The following INTS10 variants were observed in gnomAD, a reference collection of about 807,000 sequenced individuals.
INTS10 encodes chromosome 8 open reading frame 35.
In INTS10, 44 loss-of-function variants were observed where a neutral mutation model predicts 94.4. The ratio of observed to expected loss-of-function variants is 0.47; its 90% confidence interval spans 0.37 to 0.60. The LOEUF is 0.60. Among genes scored for constraint, INTS10 ranks in the 20% least tolerant of loss-of-function variants. The pLI, the probability that INTS10 is intolerant of heterozygous loss-of-function variation, is 0.00. For missense variants in INTS10, 797 were observed against 868.7 expected (o/e 0.92, Z 1.04); for synonymous variants, 341 against 320.7 (o/e 1.06, Z -0.68).
intron 13 of INTS10, among the ~76,000 whole-genome samples, chr8:19,839,071 C>CAA (rs796941891): frequency 6.9e-6 from 1 of 144,796 alleles, no homozygotes; most frequent in African/African-American, 2.5e-5. Context: ...GACTCCGTTT[C>CAA]AAAAAAAAAA....
intron 11 of INTS10, among the ~76,000 whole-genome samples, chr8:19,832,456 G>A (rs772577047): frequency 6.6e-6 from 1 of 152,154 alleles, no homozygotes; most frequent in Non-Finnish European, 1.5e-5. Flanking sequence ...TATAGTTCCA[G>A]CTGCTCAGGA....
chr8:19,817,739 C>T (rs2066035683), intron 1 of INTS10, 73 bp downstream of exon 1: 4 of 1,526,302 alleles, frequency 2.6e-6, no homozygotes, highest in Non-Finnish European at 1.8e-6. Flanking sequence ...TGCCCTGGCC[C>T]AGAGCTGCGC....
At position 19,820,443 on chromosome 8, in the gene INTS10, C is replaced by T; in HGVS notation, c.366C>T (p.Cys122=). 1 of 1,613,666 alleles carries T rather than the reference C, an allele frequency of 6.2e-7. No individual in the cohort carries two copies. Among genetic ancestry groups the T allele is most frequent in the East Asian group, 2.2e-5 (1 of 44,884 alleles). Residue 122 remains cysteine, a synonymous_variant, in exon 4 of 17, where the codon TGC becomes TGT. Transcript: ENST00000397977. ...TGTTACTAAAGGTCACGGAACAATG[C>T]TTCAACACGTTAGAACGATCAGAAA... ...CEMLLKVTEQ[C]FNTLERSEML...
At chr8:19,824,080 T>C (rs760878151) in intron 7 of INTS10, 36 bp downstream of exon 7, 2 of 1,508,468 alleles carry the variant, frequency 1.3e-6, no homozygotes, top group South Asian at 2.5e-5. Flanking sequence ...TGCCTATTGA[T>C]TCTTTTGGAT....
chr8:19,822,420 T>A lies in INTS10; in HGVS notation c.442-19T>A, dbSNP rs754385976. ...TTATGCTGTAACACATTTAAATGAGTAATTTTGTTTTGAAATAGGTTGGCC... is the reference window on the plus strand; with the variant it reads ...TTATGCTGTAACACATTTAAATGAGAAATTTTGTTTTGAAATAGGTTGGCC... On this transcript the variant is annotated intron_variant, in intron 4 of 16. Transcript: ENST00000397977. 2.6e-5 allele frequency: 39 copies of A among 1,494,144 alleles called. No individual in the cohort carries two copies. The highest frequency in any genetic ancestry group is 3.4e-5 in the Admixed American group (2 of 58,920). 92.6% of individuals were successfully genotyped at this position (1,494,144 alleles called of 1,614,324 possible).
At chr8:19,818,250 C>T in intron 1 of INTS10, 25 bp from the exon 2 acceptor site, 1 of 1,613,260 alleles carries the variant, frequency 6.2e-7, no homozygotes, top group Non-Finnish European at 8.5e-7. Flanking sequence ...GGGTGAGTGA[C>T]CAGGGTGCCT....
chr8:19,827,059 G>T (rs1022971239), intron 9 of INTS10, among the ~76,000 whole-genome samples: 1 of 152,184 alleles, frequency 6.6e-6, no homozygotes, highest in Non-Finnish European at 1.5e-5. Flanking sequence ...GTCAACATTT[G>T]AAATCAGTGC....
chr8:19,824,915 G>T lies in INTS10; in HGVS notation c.949G>T (p.Val317Phe). The T allele has an allele frequency of 6.2e-7, 1 of 1,613,826 alleles. No individual in the cohort carries two copies. Among genetic ancestry groups the T allele is most frequent in the Non-Finnish European group, 8.5e-7 (1 of 1,179,822 alleles). ...CCAAGTGGTGTATTCCACCATGCTGGTCTTCTTTAAGAATGCATTCCAGTA... is the reference window on the plus strand; with the variant it reads ...CCAAGTGGTGTATTCCACCATGCTGTTCTTCTTTAAGAATGCATTCCAGTA... ...KNQVVYSTML[V>F]FFKNAFQYVN... is the part of the protein sequence containing the mutation. The change falls in exon 8 of 17, where the codon GTC (valine) becomes TTC (phenylalanine). Residue 317 changes from valine (V) to phenylalanine (F), a missense_variant. Physicochemically the swap from Val to Phe is conservative, Grantham distance 50. Transcript: ENST00000397977.
chr8:19,819,490 T>C (rs1026636483), intron 2 of INTS10, 83 bp from the exon 3 acceptor site: 5 of 1,079,184 alleles, frequency 4.6e-6, no homozygotes. Flanking sequence ...AAAGGAAACT[T>C]TTTCACCAAA....
chr8:19,822,550 T>A, intron 5 of INTS10, 30 bp downstream of exon 5: 1 of 1,325,260 alleles, frequency 7.5e-7, no homozygotes, highest in Non-Finnish European at 1.1e-6. Context: ...CTATTACTTC[T>A]ATGGTAAATT....
chr8:19,826,709 C>T (rs913652452), intron 9 of INTS10, 150 bp downstream of exon 9: 3 of 760,522 alleles, frequency 3.9e-6, no homozygotes, highest in African/African-American at 3.6e-5. Flanking sequence ...AGTGGTTCTC[C>T]ACTGGAGGTG....
rs140690123 is a variant in INTS10 at position 19,834,710 on chromosome 8, G to C, written c.1530+1389G>C. Among the ~76,000 whole-genome samples, 4 of 152,204 alleles carry C rather than the reference G, an allele frequency of 2.6e-5. No homozygotes were observed. In the East Asian group the frequency reaches 7.7e-4, roughly 29 times the overall value. ...TTCCTGACTTCCCATCTTTAGCCCAGACTCAATATGTCCAGATGTAAGTGT... is the reference window on the plus strand; with the variant it reads ...TTCCTGACTTCCCATCTTTAGCCCACACTCAATATGTCCAGATGTAAGTGT... On this transcript the variant is annotated intron_variant, in intron 12 of 16. Coordinates refer to ENST00000397977, the MANE Select transcript of INTS10 (RefSeq NM_018142.4).
At chr8:19,840,277 T>C (rs936394711) in intron 13 of INTS10, among the ~76,000 whole-genome samples, 2 of 151,924 alleles carry the variant, frequency 1.3e-5, no homozygotes, top group African/African-American at 4.8e-5. Flanking sequence ...CTGAGAAAAA[T>C]TAAAGATTTT....
intron 16 of INTS10, among the ~76,000 whole-genome samples, chr8:19,850,305 C>T (rs2068924266): frequency 6.6e-6 from 1 of 152,190 alleles, no homozygotes; most frequent in South Asian, 2.1e-4. Context: ...TGCATCTATC[C>T]TAGCGGGACC....
Position 19,818,288 on chromosome 8 carries a change from C to T in INTS10, c.143C>T (p.Thr48Ile). The change falls in exon 2 of 17, where the codon ACC becomes ATC. Residue 48 changes from threonine to isoleucine, a missense_variant. Physicochemically the swap from Thr to Ile is moderately conservative, Grantham distance 89. Around this residue, in one of 3 missense-constraint regions of INTS10, gnomAD observed 734 missense variants for 787.8 expected, o/e 0.93. Transcript: ENST00000397977. ...ADFNIQYEMY[T>I]IERNAERTAT... is the part of the protein sequence containing the mutation. ...TGTGTGTTGCAGTATGAGATGTACACCATCGAGCGGAATGCAGAGCGGACC... is the reference window on the plus strand; with the variant it reads ...TGTGTGTTGCAGTATGAGATGTACATCATCGAGCGGAATGCAGAGCGGACC... The T allele has an allele frequency of 6.2e-7, 1 of 1,614,132 alleles. No individual in the cohort carries two copies. The highest frequency in any genetic ancestry group is 8.5e-7 in the Non-Finnish European group (1 of 1,180,032).
chr8:19,823,775 C>A, intron 6 of INTS10, 98 bp from the exon 7 acceptor site: 2 of 1,077,912 alleles, frequency 1.9e-6, no homozygotes, highest in South Asian at 1.6e-5. Context: ...ATTCTGTGCT[C>A]TGTGCATTTT....
intron 3 of INTS10, 98 bp downstream of exon 3, chr8:19,819,774 T>C: frequency 1.2e-6 from 1 of 838,210 alleles, no homozygotes; most frequent in African/African-American, 1.7e-5. Flanking sequence ...TTGGTAACCA[T>C]ATGTATGTTT....
In INTS10 at chr8:19,820,232, GGC is replaced by G. The variant is rs2066264890; in HGVS notation, c.302-146_302-145del. On this transcript the variant is annotated intron_variant, in intron 3 of 16. Coordinates refer to ENST00000397977, the MANE Select transcript of INTS10 (RefSeq NM_018142.4). ...GTGCCAGATACTATTGGCTCCAAAA[GGC>G]TGCCAGGTTGTAGGTGAAACTTAAC... 5.6e-5 allele frequency: 35 copies of G among 624,616 alleles called. No individual in the cohort carries two copies. The Admixed American group carries it at 1.2e-3, about 22-fold the overall frequency. 38.7% of individuals were successfully genotyped at this position (624,616 alleles called of 1,614,324 possible).
At chr8:19,818,687 T>C (rs2066131362) in intron 2 of INTS10, 1 of 321,860 alleles carries the variant, frequency 3.1e-6, no homozygotes, top group East Asian at 7.8e-5. Context: ...TTGTAGGCAG[T>C]ATATCTATAC....
Sources: allele counts gnomAD v4.1 joint callset (sites outside exome capture counted in the v4.1 genomes callset), GRCh38; gene constraint gnomAD v4.1.1; regional missense constraint gnomAD v4.1.1; transcripts MANE v1.5; gene names NCBI Gene and HGNC (gene_info 2026-07-23, HGNC 2026-07-21).